RNF24: variants seen among roughly 807,000 people sequenced by gnomAD.
RNF24 encodes the protein ring finger protein 24.
A neutral mutation model predicts 20.0 loss-of-function variants in RNF24; 14 were observed. The ratio of observed to expected loss-of-function variants is 0.70; its 90% confidence interval spans 0.46 to 1.10. RNF24 has a LOEUF of 1.10. RNF24 is among the 50% of genes least tolerant of loss of function. The pLI, the probability that RNF24 is intolerant of heterozygous loss-of-function variation, is 0.00. For synonymous variants in RNF24, 45 were observed against 61.1 expected (o/e 0.74, Z 1.23); for missense variants, 124 against 177.6 (o/e 0.70, Z 1.71).
intron 1 of RNF24, among the ~76,000 whole-genome samples, chr20:4,011,422 G>A (rs1242509423): frequency 6.6e-6 from 1 of 152,174 alleles, no homozygotes; most frequent in Non-Finnish European, 1.5e-5. Context: ...AACACAGGAG[G>A]AAGGCAAAGG....
At chr20:3,980,175 T>C (rs911663948) in intron 1 of RNF24, among the ~76,000 whole-genome samples, 4 of 152,138 alleles carry the variant, frequency 2.6e-5, no homozygotes, top group Non-Finnish European at 4.4e-5. Context: ...AGAAGAAAAC[T>C]TGAAAATATA....
chr20:3,940,458 AG>A (rs1463446656), intron 4 of RNF24, among the ~76,000 whole-genome samples: 1 of 152,076 alleles, frequency 6.6e-6, no homozygotes, highest in African/African-American at 2.4e-5. Context: ...ACAACAACAA[AG>A]GGTCTAACAT....
At chr20:4,008,488 A>ATATATAATATG (rs1982148274) in intron 1 of RNF24, among the ~76,000 whole-genome samples, 1 of 77,036 alleles carries the variant, frequency 1.3e-5, no homozygotes, top group African/African-American at 5.8e-5. Context: ...ATATAATATA[A>ATATATAATATG]TATAATATAT....
intron 3 of RNF24, among the ~76,000 whole-genome samples, chr20:3,945,948 A>G (rs1022532604): frequency 2.0e-5 from 3 of 152,196 alleles, no homozygotes; most frequent in Non-Finnish European, 4.4e-5. Context: ...TTCCTGAACT[A>G]AAAATGGATT....
At chr20:3,956,224 C>T (rs80203755) in intron 2 of RNF24, among the ~76,000 whole-genome samples, 2,316 of 148,256 alleles carry the variant, frequency 0.016, 26 homozygotes, top group Non-Finnish European at 0.022. Flanking sequence ...GAAAGCTTTC[C>T]GTCTATTACC....
Position 3,945,936 on chromosome 20 carries a change from C to T in RNF24, c.187-718G>A, listed in dbSNP as rs1487068649. ...AAAATCTCTAAATTTTGGTGTCTTA[C>T]ATTCCTGAACTAAAAATGGATTTGA... is the stretch of plus-strand genomic sequence containing the variant. On this transcript the variant is annotated intron_variant, in intron 3 of 5. Transcript: ENST00000358395. Among the ~76,000 whole-genome samples the T allele has an allele frequency of 3.3e-5, 5 of 152,214 alleles. No individual in the cohort carries two copies. In the East Asian group the frequency reaches 9.7e-4, roughly 29 times the overall value.
chr20:3,960,752 A>G (rs984081866), intron 2 of RNF24, among the ~76,000 whole-genome samples: 2 of 152,238 alleles, frequency 1.3e-5, no homozygotes, highest in Admixed American at 6.5e-5. Flanking sequence ...CTGATTAAAC[A>G]TGATAATTCA....
chr20:3,993,993 A>G (rs1980667973), intron 1 of RNF24, among the ~76,000 whole-genome samples: 1 of 152,186 alleles, frequency 6.6e-6, no homozygotes, highest in Non-Finnish European at 1.5e-5. Context: ...ACTTTATGCA[A>G]TTTTCACCAG....
At chr20:3,954,224 C>T (rs1053570675) in intron 2 of RNF24, among the ~76,000 whole-genome samples, 5 of 152,160 alleles carry the variant, frequency 3.3e-5, no homozygotes, top group South Asian at 4.1e-4. Context: ...CCTGGTACCC[C>T]ATTCACTGAT....
chr20:4,004,609 G>C (rs1249281083), intron 1 of RNF24, among the ~76,000 whole-genome samples: 3 of 152,198 alleles, frequency 2.0e-5, no homozygotes, highest in Non-Finnish European at 4.4e-5. Context: ...CTTTATAAGA[G>C]AGAAAGAGAA....
At chr20:3,957,083 A>G (rs960862427) in intron 2 of RNF24, among the ~76,000 whole-genome samples, 1 of 152,114 alleles carries the variant, frequency 6.6e-6, no homozygotes, top group Non-Finnish European at 1.5e-5. Flanking sequence ...ATTTGAGGTC[A>G]GGAGTTCCAG....
At chr20:3,942,146 G>C (rs1021045379) in intron 4 of RNF24, among the ~76,000 whole-genome samples, 1 of 151,100 alleles carries the variant, frequency 6.6e-6, no homozygotes, top group Non-Finnish European at 1.5e-5. Context: ...AAGGAAGCTG[G>C]AATGGCTATA....
intron 1 of RNF24, among the ~76,000 whole-genome samples, chr20:3,967,016 CTT>C (rs568278645): frequency 1.7e-3 from 256 of 152,230 alleles, no homozygotes; most frequent in Middle Eastern, 0.01. Flanking sequence ...ATTTTTCTCT[CTT>C]TGTTTTAGTA....
At chr20:3,948,351 C>A in intron 2 of RNF24, 72 bp from the exon 3 acceptor site, 1 of 1,081,532 alleles carries the variant, frequency 9.2e-7, no homozygotes, top group African/African-American at 1.6e-5. Flanking sequence ...TAAAAAGTTG[C>A]TGATTTTGGT....
chr20:3,983,771 T>TCA (rs1291923217), intron 1 of RNF24, among the ~76,000 whole-genome samples: 13 of 151,542 alleles, frequency 8.6e-5, no homozygotes, highest in Admixed American at 3.3e-4. Context: ...TGAAACCCTA[T>TCA]CTCTATTAAA....
intron 4 of RNF24, among the ~76,000 whole-genome samples, chr20:3,944,209 C>CAAAAAAAAAAAAAAAA (rs58334745): frequency 9.1e-6 from 1 of 109,880 alleles, no homozygotes; most frequent in Non-Finnish European, 2.0e-5. Context: ...GACCCCGTCT[C>CAAAAAAAAAAAAAAAA]AAAAAAAAAA....
chr20:3,992,964 T>A (rs1298870418), intron 1 of RNF24, among the ~76,000 whole-genome samples: 2 of 152,210 alleles, frequency 1.3e-5, no homozygotes, highest in African/African-American at 4.8e-5. Context: ...TTTAAATATA[T>A]CATCTATGGA....
At chr20:3,960,468 G>T (rs2091189656) in intron 2 of RNF24, among the ~76,000 whole-genome samples, 1 of 152,122 alleles carries the variant, frequency 6.6e-6, no homozygotes, top group African/African-American at 2.4e-5. Context: ...AAGAGATCTA[G>T]AACATCCTGG....
chr20:3,995,416 ATTAGT>A (rs1980782597), intron 1 of RNF24, among the ~76,000 whole-genome samples: 1 of 152,210 alleles, frequency 6.6e-6, no homozygotes, highest in Non-Finnish European at 1.5e-5. Context: ...AGAAACAGAC[ATTAGT>A]TTAGCCACAT....
Sources: allele counts gnomAD v4.1 joint callset (sites outside exome capture counted in the v4.1 genomes callset), GRCh38; gene constraint gnomAD v4.1.1; transcripts MANE v1.5; gene names NCBI Gene and HGNC (gene_info 2026-07-23, HGNC 2026-07-21).